MSH4: variants seen among roughly 807,000 people sequenced by gnomAD.
MSH4 encodes mutS protein homolog 4.
MSH4 carries 106 observed loss-of-function variants against 113.7 expected under a neutral mutation model. The observed-to-expected ratio is 0.93, with a 90% confidence interval of 0.80 to 1.10. MSH4 has a LOEUF of 1.10. Among genes scored for constraint, MSH4 ranks in the 50% least tolerant of loss-of-function variants. MSH4 has a pLI of 0.00. For synonymous variants in MSH4, 368 were observed against 380.2 expected, an observed-to-expected ratio of 0.97 and a Z score of 0.37; for missense variants, 1,061 against 1,093.7, an observed-to-expected ratio of 0.97 and a Z score of 0.42.
At chr1:75,892,887 A>C (rs1652288382) in intron 17 of MSH4, among the ~76,000 whole-genome samples, 2 of 152,204 alleles carry the variant, frequency 1.3e-5, no homozygotes, top group Admixed American at 1.3e-4. Context: ...TGAGTTCAGA[A>C]GCCTCAACTT....
At chr1:75,857,673 C>T (rs1405515464) in intron 8 of MSH4, among the ~76,000 whole-genome samples, 1 of 152,132 alleles carries the variant, frequency 6.6e-6, no homozygotes, top group Admixed American at 6.5e-5. Context: ...CAGTACCATG[C>T]TGTTTTGGTT....
chr1:75,863,037 CA>C (rs1360939173), intron 8 of MSH4, among the ~76,000 whole-genome samples: 3 of 152,054 alleles, frequency 2.0e-5, no homozygotes, highest in Non-Finnish European at 4.4e-5. Context: ...CTTTCCCCAA[CA>C]TTTGAAAAAT....
intron 8 of MSH4, among the ~76,000 whole-genome samples, chr1:75,850,501 C>T (rs1053637956): frequency 6.6e-6 from 1 of 152,016 alleles, no homozygotes; most frequent in African/African-American, 2.4e-5. Context: ...ATTTAATTCC[C>T]AATGATCAGA....
chr1:75,847,202 C>G (rs780154066), intron 7 of MSH4, among the ~76,000 whole-genome samples: 2 of 152,198 alleles, frequency 1.3e-5, no homozygotes, highest in Non-Finnish European at 2.9e-5. Context: ...TCCTACCTCT[C>G]AAGACAGTTG....
At chr1:75,878,019 G>A in intron 10 of MSH4, 130 bp from the exon 11 acceptor site, 1 of 645,924 alleles carries the variant, frequency 1.5e-6, no homozygotes, top group East Asian at 3.0e-5. Context: ...TTAAATATTT[G>A]TTGCTTAATT....
intron 9 of MSH4, among the ~76,000 whole-genome samples, chr1:75,872,749 T>G (rs1457789757): frequency 6.6e-6 from 1 of 152,228 alleles, no homozygotes; most frequent in East Asian, 1.9e-4. Flanking sequence ...ACAGGCTGGT[T>G]GCAGAAATTT....
intron 6 of MSH4, among the ~76,000 whole-genome samples, chr1:75,820,954 T>A (rs1268227047): frequency 1.3e-5 from 2 of 151,260 alleles, no homozygotes; most frequent in Non-Finnish European, 2.9e-5. Context: ...ACAATAATAA[T>A]GGGAGACTTT....
At chr1:75,799,127 TGTC>T (rs1649881153) in intron 1 of MSH4, among the ~76,000 whole-genome samples, 1 of 152,224 alleles carries the variant, frequency 6.6e-6, no homozygotes, top group African/African-American at 2.4e-5. Flanking sequence ...ATGTTCACAT[TGTC>T]AGTCTAATCC....
chr1:75,864,701 G>T (rs771174752), intron 8 of MSH4, among the ~76,000 whole-genome samples: 5 of 152,044 alleles, frequency 3.3e-5, no homozygotes, highest in Non-Finnish European at 7.4e-5. Flanking sequence ...TTTGTGATTT[G>T]TATAGCTTCT....
At chr1:75,893,340 A>G (rs1319213299) in intron 17 of MSH4, among the ~76,000 whole-genome samples, 1 of 152,186 alleles carries the variant, frequency 6.6e-6, no homozygotes, top group Non-Finnish European at 1.5e-5. Context: ...TGCCAGAATT[A>G]CAACACAAGT....
chr1:75,836,972 A>G (rs2100535917), intron 7 of MSH4, among the ~76,000 whole-genome samples: 2 of 152,222 alleles, frequency 1.3e-5, no homozygotes, highest in Middle Eastern at 6.8e-3. Flanking sequence ...AGAACTTTGG[A>G]CTCAAATATC....
intron 8 of MSH4, among the ~76,000 whole-genome samples, chr1:75,866,106 A>G (rs1651557604): frequency 6.6e-6 from 1 of 152,178 alleles, no homozygotes; most frequent in Non-Finnish European, 1.5e-5. Context: ...AGAAGTTGAC[A>G]TTCATTCATT....
At chr1:75,903,240 T>C (rs758414900) in intron 19 of MSH4, among the ~76,000 whole-genome samples, 1 of 151,986 alleles carries the variant, frequency 6.6e-6, no homozygotes, top group East Asian at 1.9e-4. Context: ...GAAATATGAG[T>C]CTGGCTTCAT....
chr1:75,845,560 C>T (rs1055587147), intron 7 of MSH4, among the ~76,000 whole-genome samples: 2 of 152,182 alleles, frequency 1.3e-5, no homozygotes, highest in Non-Finnish European at 2.9e-5. Flanking sequence ...TATCCCACAT[C>T]AGGGGCACAG....
chr1:75,818,942 A>G (rs969775923), intron 6 of MSH4, among the ~76,000 whole-genome samples: 1 of 150,888 alleles, frequency 6.6e-6, no homozygotes, highest in Non-Finnish European at 1.5e-5. Context: ...TTTTTTTTGT[A>G]TTTTTAGTAG....
At position 75,826,322 on chromosome 1, in the gene MSH4, A is replaced by G. The variant is rs564467125; in HGVS notation, c.1162+3741A>G. Among the ~76,000 whole-genome samples the G allele has an allele frequency of 4.6e-5, 7 of 152,140 alleles. No individual in the cohort carries two copies. The East Asian group carries it at 1.2e-3, about 25-fold the overall frequency. On this transcript the variant is annotated intron_variant, in intron 7 of 19. Transcript: ENST00000263187. ...GATCAGTGGTGATATCCCCTTTATC[A>G]TTTCTTATTGTGTCTATTTGATTCT... is the stretch of plus-strand genomic sequence containing the variant.
At chr1:75,905,179 G>T (rs369047122) in intron 19 of MSH4, among the ~76,000 whole-genome samples, 1 of 149,842 alleles carries the variant, frequency 6.7e-6, no homozygotes, top group Admixed American at 6.7e-5. Flanking sequence ...CTTTTTTGTT[G>T]TAGGTGTTTA....
intron 6 of MSH4, among the ~76,000 whole-genome samples, chr1:75,820,163 T>G (rs1239904330): frequency 6.6e-6 from 1 of 152,208 alleles, no homozygotes; most frequent in Non-Finnish European, 1.5e-5. Context: ...ATTATTAATA[T>G]CTTGCTATTA....
At chr1:75,867,730 A>G in intron 9 of MSH4, 142 bp downstream of exon 9, 2 of 594,064 alleles carry the variant, frequency 3.4e-6, no homozygotes, top group East Asian at 3.0e-5. Flanking sequence ...TACTTTACAT[A>G]CACATACACA....
Sources: gnomAD v4.1 joint callset for allele counts (sites outside exome capture counted in the v4.1 genomes callset) on GRCh38, gnomAD v4.1.1 for gene constraint, MANE v1.5 for transcripts, NCBI Gene and HGNC (gene_info 2026-07-23, HGNC 2026-07-21) for gene names.